Variants in GAP43 observed in about 807,000 individuals in gnomAD.
GAP43 encodes the protein growth associated protein 43.
Under a neutral mutation model 18.6 loss-of-function variants are expected in GAP43, and 6 were observed. The observed-to-expected ratio is 0.32, with a 90% CI of 0.18 to 0.64. The LOEUF (loss-of-function observed/expected upper bound fraction) is 0.64, where lower values mean the gene tolerates loss of function less well. GAP43 is among the 30% of genes least tolerant of loss of function. The pLI is 0.78. For missense variants in GAP43, 292 were observed against 295.5 expected (o/e 0.99, Z 0.09); for synonymous variants, 115 against 111.4 (o/e 1.03, Z -0.20).
intron 1 of GAP43, among the ~76,000 whole-genome samples, chr3:115,674,565 G>A (rs185729785): frequency 7.2e-5 from 11 of 152,204 alleles, no homozygotes; most frequent in Non-Finnish European, 1.3e-4. Flanking sequence ...ATGATAATAC[G>A]AACACATTTT....
At chr3:115,682,952 A>G (rs537834499) in intron 2 of GAP43, among the ~76,000 whole-genome samples, 2 of 152,294 alleles carry the variant, frequency 1.3e-5, no homozygotes, top group African/African-American at 4.8e-5. Flanking sequence ...CTTTTATTAA[A>G]TTGTTACTGT....
At chr3:115,662,106 T>G (rs1559794712) in intron 1 of GAP43, among the ~76,000 whole-genome samples, 1 of 152,062 alleles carries the variant, frequency 6.6e-6, no homozygotes, top group African/African-American at 2.4e-5. Context: ...GAAGAGAGCT[T>G]CTTAGATTGA....
At chr3:115,641,510 TCACACA>T (rs376412583) in intron 1 of GAP43, among the ~76,000 whole-genome samples, 11 of 106,956 alleles carry the variant, frequency 1.0e-4, no homozygotes, top group South Asian at 3.5e-4. Flanking sequence ...ATATATATAT[TCACACA>T]CACACACACA....
intron 2 of GAP43, among the ~76,000 whole-genome samples, chr3:115,682,726 G>A (rs1056455879): frequency 6.6e-6 from 1 of 152,064 alleles, no homozygotes; most frequent in East Asian, 1.9e-4. Context: ...TAGTAAAGAC[G>A]GGATTTTACC....
At chr3:115,659,327 ATT>A (rs1335910603) in intron 1 of GAP43, among the ~76,000 whole-genome samples, 4 of 152,046 alleles carry the variant, frequency 2.6e-5, no homozygotes, top group African/African-American at 7.2e-5. Context: ...TGAACTTTCC[ATT>A]TCTCACTATG....
chr3:115,686,580 T>C (rs1344299242), intron 2 of GAP43, among the ~76,000 whole-genome samples: 1 of 152,174 alleles, frequency 6.6e-6, no homozygotes, highest in African/African-American at 2.4e-5. Flanking sequence ...AAATGGATAC[T>C]TAGGAACTTT....
intron 2 of GAP43, among the ~76,000 whole-genome samples, chr3:115,679,239 T>C (rs549222717): frequency 6.6e-6 from 1 of 152,014 alleles, no homozygotes; most frequent in African/African-American, 2.4e-5. Flanking sequence ...AGAAAATAAT[T>C]TCTGTGAATA....
intron 1 of GAP43, among the ~76,000 whole-genome samples, chr3:115,656,153 A>G (rs1410809789): frequency 6.6e-6 from 1 of 152,148 alleles, no homozygotes; most frequent in Non-Finnish European, 1.5e-5. Context: ...ATGAAATGTC[A>G]TGGTGTGATG....
chr3:115,698,847 G>T (rs769769353), intron 2 of GAP43, among the ~76,000 whole-genome samples: 3 of 152,066 alleles, frequency 2.0e-5, no homozygotes, highest in Non-Finnish European at 4.4e-5. Context: ...CCCTAAACTG[G>T]TAATCCTTCA....
chr3:115,690,252 C>T (rs1338967467), intron 2 of GAP43, among the ~76,000 whole-genome samples: 1 of 147,454 alleles, frequency 6.8e-6, no homozygotes. Context: ...TTGTCTGAGC[C>T]CTTCTGCAGC....
At chr3:115,715,021 G>T (rs1380648149) in intron 2 of GAP43, among the ~76,000 whole-genome samples, 1 of 152,090 alleles carries the variant, frequency 6.6e-6, no homozygotes, top group African/African-American at 2.4e-5. Flanking sequence ...CATGGTAGAA[G>T]AGACTAGCTA....
intron 1 of GAP43, among the ~76,000 whole-genome samples, chr3:115,666,049 T>A (rs914543866): frequency 6.7e-6 from 1 of 150,026 alleles, no homozygotes; most frequent in African/African-American, 2.5e-5. Flanking sequence ...GGATGTCAGG[T>A]GAAGGTCACA....
At chr3:115,663,513 G>A (rs1559795052) in intron 1 of GAP43, 1 of 1,202,578 alleles carries the variant, frequency 8.3e-7, no homozygotes, top group East Asian at 4.1e-5. Flanking sequence ...TTTCTCTTTT[G>A]CTTTCAGAAT....
chr3:115,656,137 A>G (rs938733796), intron 1 of GAP43, among the ~76,000 whole-genome samples: 1 of 152,174 alleles, frequency 6.6e-6, no homozygotes, highest in African/African-American at 2.4e-5. Context: ...CTCAGTTTCA[A>G]GGGCTATGAA....
intron 2 of GAP43, among the ~76,000 whole-genome samples, chr3:115,718,096 A>G (rs1709534225): frequency 6.6e-6 from 1 of 152,090 alleles, no homozygotes; most frequent in Non-Finnish European, 1.5e-5. Context: ...TCATTTCCTA[A>G]TCTCCCTCTA....
chr3:115,698,205 T>TATATAA (rs376925773), intron 2 of GAP43, among the ~76,000 whole-genome samples: 3 of 5,488 alleles, frequency 5.5e-4, no homozygotes, highest in East Asian at 9.3e-3. Context: ...ATATTATATA[T>TATATAA]TATATAAAAT....
At chr3:115,676,708 T>C (rs912607087) in intron 2 of GAP43, 98 bp downstream of exon 2, 3 of 1,250,538 alleles carry the variant, frequency 2.4e-6, no homozygotes, top group Non-Finnish European at 3.2e-6. Flanking sequence ...GAGGAAAAAG[T>C]CTAGAAGATG....
intron 1 of GAP43, among the ~76,000 whole-genome samples, chr3:115,632,891 T>A (rs1216434190): frequency 1.3e-5 from 2 of 152,132 alleles, no homozygotes; most frequent in Non-Finnish European, 2.9e-5. Context: ...TCACTCTAGC[T>A]ACATCCCTTT....
chr3:115,710,119 A>G (rs1709414856), intron 2 of GAP43, among the ~76,000 whole-genome samples: 3 of 152,174 alleles, frequency 2.0e-5, no homozygotes, highest in Non-Finnish European at 1.5e-5. Flanking sequence ...GAGAACTACA[A>G]TTTAAAGTGC....
Sources: allele counts gnomAD v4.1 joint callset (sites outside exome capture counted in the v4.1 genomes callset), GRCh38; gene constraint gnomAD v4.1.1; transcripts MANE v1.5; gene names NCBI Gene and HGNC (gene_info 2026-07-23, HGNC 2026-07-21).